The following SHANK2 variants were observed in gnomAD, a reference collection of about 807,000 sequenced individuals.
The protein encoded by SHANK2 is SH3 and multiple ankyrin repeat domains protein 2.
In SHANK2, 43 loss-of-function variants were observed where a neutral mutation model predicts 133.7. The ratio of observed to expected loss-of-function variants is 0.32; its 90% CI spans 0.25 to 0.41. The LOEUF is 0.41. SHANK2 is among the 10% of genes least tolerant of loss of function. SHANK2 has a pLI of 1.00. For missense variants in SHANK2, 1,994 were observed against 2,235.8 expected (o/e 0.89, Z 2.18); for synonymous variants, 1,017 against 952.8 (o/e 1.07, Z -1.24).
intron 11 of SHANK2, among the ~76,000 whole-genome samples, chr11:70,829,890 G>A (rs546375984): frequency 1.4e-4 from 22 of 152,304 alleles, no homozygotes; most frequent in African/African-American, 5.1e-4. Flanking sequence ...ATCCTGCCAA[G>A]GGAGTTGGGC....
At chr11:70,518,009 T>G (rs2059286554) in intron 17 of SHANK2, among the ~76,000 whole-genome samples, 1 of 152,134 alleles carries the variant, frequency 6.6e-6, no homozygotes, top group South Asian at 2.1e-4. Context: ...CCCCATAAAC[T>G]CCTCAAAATA....
chr11:70,771,038 C>T (rs1947239670), intron 14 of SHANK2, among the ~76,000 whole-genome samples: 1 of 151,290 alleles, frequency 6.6e-6, no homozygotes, highest in South Asian at 2.1e-4. Context: ...GATACACCCA[C>T]CTCAGCCTCC....
intron 8 of SHANK2, among the ~76,000 whole-genome samples, chr11:71,081,230 G>A (rs996951258): frequency 3.9e-5 from 6 of 152,260 alleles, no homozygotes; most frequent in African/African-American, 7.2e-5. Flanking sequence ...CCAGCCCTGC[G>A]ACGCCTTCGT....
chr11:70,864,153 G>A, intron 11 of SHANK2: 1 of 218,472 alleles, frequency 4.6e-6, no homozygotes, highest in South Asian at 6.2e-5. Context: ...AGGGGAGAGA[G>A]GCTTCCAAGG....
At chr11:70,552,921 G>C (rs913760009) in intron 17 of SHANK2, among the ~76,000 whole-genome samples, 10 of 152,108 alleles carry the variant, frequency 6.6e-5, no homozygotes, top group African/African-American at 2.2e-4. Flanking sequence ...TGAGGTCTGA[G>C]AGCAACGTAT....
chr11:71,116,609 C>T (rs1951984577), intron 4 of SHANK2, among the ~76,000 whole-genome samples: 1 of 152,238 alleles, frequency 6.6e-6, no homozygotes, highest in African/African-American at 2.4e-5. Context: ...GCTGGATGGT[C>T]ACAGCCGCCC....
rs1378832186 is a variant in SHANK2, at chr11:71,146,053, G to A, written c.207+1067C>T. Among the ~76,000 whole-genome samples, 14 of 152,274 alleles carry A rather than the reference G, an allele frequency of 9.2e-5. No homozygotes were observed. In the South Asian group the frequency reaches 2.1e-3, roughly 23 times the overall value. On this transcript the variant is annotated intron_variant, in intron 3 of 25. Coordinates refer to ENST00000601538, the MANE Select transcript of SHANK2 (RefSeq NM_012309.5). ...GTCTACTCCACAGCAAATGGGCTTCGTACCAACTGCCCCTACTACTGCCAC... is the reference window on the plus strand; with the variant it reads ...GTCTACTCCACAGCAAATGGGCTTCATACCAACTGCCCCTACTACTGCCAC...
At chr11:70,860,874 A>C (rs1418563876) in intron 11 of SHANK2, among the ~76,000 whole-genome samples, 3 of 152,174 alleles carry the variant, frequency 2.0e-5, no homozygotes, top group Non-Finnish European at 4.4e-5. Context: ...AAACAAACAA[A>C]AAAGAAATAA....
intron 11 of SHANK2, among the ~76,000 whole-genome samples, chr11:70,893,447 T>C (rs1344526479): frequency 6.6e-6 from 1 of 152,226 alleles, no homozygotes; most frequent in Non-Finnish European, 1.5e-5. Flanking sequence ...AAGGCATTAG[T>C]TCAGGATTTC....
rs538778523 is a variant in SHANK2 at position 70,473,372 on chromosome 11, C to T, written c.5047G>A (p.Gly1683Ser). 33 of 1,612,020 alleles carry T rather than the reference C, an allele frequency of 2.0e-5. No homozygotes were observed. Among genetic ancestry groups the T allele is most frequent in the Middle Eastern group, 1.7e-4 (1 of 6,060 alleles). ...STTVTFTVRP[G>S]TSQPITLQSR... ...TGCAGGGTGATGGGCTGGGAGGTGC[C>T]GGGGCGAACAGTGAAGGTGACCGTC... The change falls in exon 26 of 26, where the codon GGC (glycine) becomes AGC (serine). Residue 1683 changes from glycine (G) to serine (S), a missense_variant. Physicochemically the swap from Gly to Ser is moderately conservative, Grantham distance 56. Coordinates refer to ENST00000601538, the MANE Select transcript of SHANK2 (RefSeq NM_012309.5). The surrounding 1 kb of genome is among the most constrained non-coding windows in gnomAD (Gnocchi z 5.9).
intron 17 of SHANK2, among the ~76,000 whole-genome samples, chr11:70,618,531 G>A (rs1439514942): frequency 6.6e-6 from 1 of 152,178 alleles, no homozygotes; most frequent in Non-Finnish European, 1.5e-5. Context: ...CCACAGCCAG[G>A]CCTGGCCTCA....
chr11:70,676,797 T>C (rs1679387044), intron 15 of SHANK2, among the ~76,000 whole-genome samples: 1 of 152,162 alleles, frequency 6.6e-6, no homozygotes, highest in Non-Finnish European at 1.5e-5. Context: ...TCAAGGACTC[T>C]AGTCATTGGC....
chr11:70,836,201 C>A (rs937704356), intron 11 of SHANK2, among the ~76,000 whole-genome samples: 1 of 152,232 alleles, frequency 6.6e-6, no homozygotes, highest in Non-Finnish European at 1.5e-5. Flanking sequence ...TCTTTCTGAG[C>A]GGCTGCACAC....
At chr11:71,216,235 T>C (rs1421013280) in intron 2 of SHANK2, among the ~76,000 whole-genome samples, 1 of 152,184 alleles carries the variant, frequency 6.6e-6, no homozygotes, top group Non-Finnish European at 1.5e-5. Context: ...GTGATAAACA[T>C]AATATTGGAT....
intron 11 of SHANK2, among the ~76,000 whole-genome samples, chr11:70,845,857 T>C (rs1948989068): frequency 6.6e-6 from 1 of 152,112 alleles, no homozygotes; most frequent in Admixed American, 6.5e-5. Flanking sequence ...TGGTGCTGGA[T>C]AGAAACCGCC....
intron 25 of SHANK2, chr11:70,474,042 G>A (rs2058631044): frequency 5.3e-6 from 1 of 187,004 alleles, no homozygotes; most frequent in Non-Finnish European, 1.1e-5. Context: ...TTCAGTAACT[G>A]GAACCCCTGT....
chr11:70,861,143 G>C (rs545586600), intron 11 of SHANK2, among the ~76,000 whole-genome samples: 2 of 152,324 alleles, frequency 1.3e-5, no homozygotes, highest in South Asian at 4.1e-4. Context: ...GCCCAGGTTA[G>C]TAAATCCTGC....
chr11:70,531,896 C>T (rs1243409212), intron 17 of SHANK2, among the ~76,000 whole-genome samples: 1 of 152,192 alleles, frequency 6.6e-6, no homozygotes, highest in Non-Finnish European at 1.5e-5. Flanking sequence ...GGGCTTGTCT[C>T]TGCCAAACCT....
chr11:70,589,762 T>A (rs1462572367), intron 17 of SHANK2, among the ~76,000 whole-genome samples: 7 of 150,700 alleles, frequency 4.6e-5, no homozygotes, highest in Non-Finnish European at 1.0e-4. Flanking sequence ...TGAGCAGGAG[T>A]TGAGAAGAAG....
Sources: allele counts gnomAD v4.1 joint callset (sites outside exome capture counted in the v4.1 genomes callset), GRCh38; gene constraint gnomAD v4.1.1; non-coding constraint Gnocchi (gnomAD v3.1); transcripts MANE v1.5; gene names NCBI Gene and HGNC (gene_info 2026-07-23, HGNC 2026-07-21).